MAP3K20: variants seen among roughly 807,000 people sequenced by gnomAD.
The protein encoded by MAP3K20 is mitogen-activated protein kinase kinase kinase 20, also known as HCCS-4.
MAP3K20 carries 40 observed loss-of-function variants against 85.7 expected under a neutral mutation model. The observed-to-expected ratio is 0.47, with a 90% CI of 0.36 to 0.61. The LOEUF (loss-of-function observed/expected upper bound fraction) is 0.61, where lower values mean the gene tolerates loss of function less well. Among genes scored for constraint, MAP3K20 ranks in the 20% least tolerant of loss-of-function variants. The probability of loss-of-function intolerance (pLI) is 0.00; values close to 1 mark genes in which losing one functional copy is unlikely to be tolerated. For missense variants in MAP3K20, 817 were observed against 961.7 expected (o/e 0.85, Z 1.99); for synonymous variants, 325 against 327.7 (o/e 0.99, Z 0.09).
intron 19 of MAP3K20, among the ~76,000 whole-genome samples, chr2:173,264,419 A>C (rs867976373): frequency 1.3e-5 from 2 of 152,228 alleles, no homozygotes; most frequent in Middle Eastern, 6.8e-3. Context: ...TCCTGTTTAC[A>C]GTCATCACAC....
At chr2:173,097,832 A>C (rs1313416288) in intron 2 of MAP3K20, among the ~76,000 whole-genome samples, 1 of 152,202 alleles carries the variant, frequency 6.6e-6, no homozygotes, top group Admixed American at 6.5e-5. Context: ...ATAATCTTGA[A>C]ATTGACAGAG....
At chr2:173,200,798 G>A (rs1691030379) in intron 8 of MAP3K20, among the ~76,000 whole-genome samples, 1 of 151,914 alleles carries the variant, frequency 6.6e-6, no homozygotes, top group African/African-American at 2.4e-5. Flanking sequence ...ACTCAAAAAA[G>A]TTTTTTTATT....
intron 16 of MAP3K20, among the ~76,000 whole-genome samples, chr2:173,251,159 G>A (rs1685033942): frequency 6.6e-6 from 1 of 152,080 alleles, no homozygotes; most frequent in Non-Finnish European, 1.5e-5. Flanking sequence ...TTACTTCATA[G>A]ATGCCACAAC....
chr2:173,115,077 A>C, intron 2 of MAP3K20, among the ~76,000 whole-genome samples: 1 of 152,192 alleles, frequency 6.6e-6, no homozygotes, highest in Admixed American at 6.5e-5. Context: ...ATAATCCCAG[A>C]CTTCTTAGAG....
In MAP3K20 at chr2:173,146,234, T is replaced by C. The variant is rs563733244; in HGVS notation, c.160-23571T>C. The stretch of plus-strand genomic sequence containing the variant: ...CAAAAAAGTTTCAGGTTTTTGTTGT[T>C]TTTTTTTTTAAGGCAAAGGAACAAG... On this transcript the variant is annotated intron_variant, in intron 2 of 19. Coordinates refer to ENST00000375213, the MANE Select transcript of MAP3K20 (RefSeq NM_016653.3). Among the ~76,000 whole-genome samples, 5 of 150,244 alleles carry C rather than the reference T, an allele frequency of 3.3e-5. No homozygotes were observed. The East Asian group carries it at 9.7e-4, about 29-fold the overall frequency.
At chr2:173,141,472 G>T (rs1688969567) in intron 2 of MAP3K20, among the ~76,000 whole-genome samples, 2 of 152,042 alleles carry the variant, frequency 1.3e-5, no homozygotes, top group South Asian at 4.1e-4. Context: ...ATTGAGGAAG[G>T]CAAAAGAAAA....
chr2:173,245,102 C>T (rs115045124), intron 16 of MAP3K20, among the ~76,000 whole-genome samples: 2,340 of 152,088 alleles, frequency 0.015, 38 homozygotes, highest in Middle Eastern at 0.034. Flanking sequence ...CTACATTTTC[C>T]CTTTGCATTT....
intron 2 of MAP3K20, among the ~76,000 whole-genome samples, chr2:173,107,002 G>T (rs558328224): frequency 6.6e-6 from 1 of 152,258 alleles, no homozygotes; most frequent in African/African-American, 2.4e-5. Context: ...GGTGTCTGAG[G>T]GTCTTGTAAG....
At chr2:173,236,654 G>A (rs1684658982) in intron 14 of MAP3K20, among the ~76,000 whole-genome samples, 1 of 152,170 alleles carries the variant, frequency 6.6e-6, no homozygotes, top group African/African-American at 2.4e-5. Flanking sequence ...CCCAGTGGGG[G>A]CTCAGCCAAC....
At position 173,258,918 on chromosome 2, in the gene MAP3K20, C is replaced by T. The variant is rs1019386778; in HGVS notation, c.1476+103C>T. 40 of 684,938 alleles carry T rather than the reference C, an allele frequency of 5.8e-5. 1 individual carries two copies. The African/African-American group carries it at 6.0e-4, about 10-fold the overall frequency. The allele number at this position is 684,938 out of a possible 1,614,324, so 42.4% of individuals were successfully genotyped here. A position where few individuals can be genotyped will look rare whatever the true frequency, so the allele number is the denominator to read the frequency against. On this transcript the variant is annotated intron_variant, in intron 17 of 19. Coordinates refer to ENST00000375213, the MANE Select transcript of MAP3K20 (RefSeq NM_016653.3). ...GTGCTTTTGTGCTTGTCCATGCTCA[C>T]ATCAGCTCAGCCTCGAGCTGGCTGT...
intron 2 of MAP3K20, among the ~76,000 whole-genome samples, chr2:173,119,979 A>G (rs561889074): frequency 3.3e-4 from 50 of 152,314 alleles, no homozygotes; most frequent in African/African-American, 1.2e-3. Flanking sequence ...AATAATTAAT[A>G]TACACAAGTA....
intron 2 of MAP3K20, among the ~76,000 whole-genome samples, chr2:173,095,491 A>G (rs1248346418): frequency 6.6e-6 from 1 of 152,258 alleles, no homozygotes. Context: ...TTTGAAATGT[A>G]AACTCATGGC....
intron 11 of MAP3K20, chr2:173,225,842 G>A: frequency 1.0e-6 from 1 of 984,620 alleles, no homozygotes; most frequent in Non-Finnish European, 1.2e-6. Context: ...AAATGCTGGT[G>A]GCAACTTGAT....
chr2:173,242,887 A>C (rs1236783599), intron 16 of MAP3K20, among the ~76,000 whole-genome samples: 2 of 151,678 alleles, frequency 1.3e-5, no homozygotes, highest in African/African-American at 4.8e-5. Flanking sequence ...TTGTATTTTC[A>C]GTACAGACAG....
At chr2:173,144,331 T>G (rs371451706) in intron 2 of MAP3K20, among the ~76,000 whole-genome samples, 1 of 149,918 alleles carries the variant, frequency 6.7e-6, no homozygotes. Context: ...GGCGTGGTGG[T>G]GGGCACCTGT....
At chr2:173,087,766 A>G (rs1687182042) in intron 1 of MAP3K20, among the ~76,000 whole-genome samples, 1 of 152,256 alleles carries the variant, frequency 6.6e-6, no homozygotes, top group Non-Finnish European at 1.5e-5. Flanking sequence ...ATGCCCAACC[A>G]GGCTACCAAT....
chr2:173,227,375 A>G (rs1286117402), intron 11 of MAP3K20, among the ~76,000 whole-genome samples: 1 of 152,152 alleles, frequency 6.6e-6, no homozygotes, highest in Non-Finnish European at 1.5e-5. Context: ...CAGCAGATAC[A>G]CTGATATGTT....
chr2:173,121,458 C>G (rs1688284446), intron 2 of MAP3K20, among the ~76,000 whole-genome samples: 1 of 152,156 alleles, frequency 6.6e-6, no homozygotes, highest in South Asian at 2.1e-4. Context: ...GCAATCTCGG[C>G]TCACTGTAAG....
chr2:173,126,330 G>A (rs1574036915), intron 2 of MAP3K20, among the ~76,000 whole-genome samples: 1 of 152,072 alleles, frequency 6.6e-6, no homozygotes, highest in East Asian at 1.9e-4. Flanking sequence ...GGGTAAGGGT[G>A]GTTTCAAGGT....
Sources: allele counts gnomAD v4.1 joint callset (sites outside exome capture counted in the v4.1 genomes callset), GRCh38; gene constraint gnomAD v4.1.1; transcripts MANE v1.5; gene names NCBI Gene and HGNC (gene_info 2026-07-23, HGNC 2026-07-21).